MSH3: variants seen among roughly 807,000 people sequenced by gnomAD.
MSH3 encodes mutS homolog 3.
MSH3 carries 106 observed loss-of-function variants against 123.3 expected under a neutral mutation model. The ratio of observed to expected loss-of-function variants is 0.86; its 90% CI spans 0.73 to 1.01. The LOEUF (loss-of-function observed/expected upper bound fraction) is 1.01. MSH3 is among the 50% of genes least tolerant of loss of function. The pLI is 0.00. For missense variants in MSH3, 1,459 were observed against 1,347.6 expected, an observed-to-expected ratio of 1.08 and a Z score of -1.29; for synonymous variants, 515 against 481.4, an observed-to-expected ratio of 1.07 and a Z score of -0.91.
At chr5:80,755,541 G>A (rs1302926548) in intron 12 of MSH3, among the ~76,000 whole-genome samples, 1 of 152,100 alleles carries the variant, frequency 6.6e-6, no homozygotes, top group Non-Finnish European at 1.5e-5. Context: ...TGGTTTTAAT[G>A]TCATAAAATA....
chr5:80,840,865 T>C (rs1745609341), intron 20 of MSH3, among the ~76,000 whole-genome samples: 1 of 147,698 alleles, frequency 6.8e-6, no homozygotes, highest in South Asian at 2.2e-4. Context: ...TAGTATTCCA[T>C]GGTGTATGTG....
At chr5:80,689,413 A>G (rs892205137) in intron 8 of MSH3, among the ~76,000 whole-genome samples, 1 of 152,156 alleles carries the variant, frequency 6.6e-6, no homozygotes, top group Admixed American at 6.5e-5. Context: ...TGTTTGTTGT[A>G]AAAGTGAAAA....
intron 10 of MSH3, among the ~76,000 whole-genome samples, chr5:80,731,477 A>G (rs2112860232): frequency 6.6e-6 from 1 of 152,060 alleles, no homozygotes; most frequent in South Asian, 2.1e-4. Flanking sequence ...ATATATTCCC[A>G]GCATCCAGCA....
At chr5:80,842,746 A>G (rs953907372) in intron 20 of MSH3, among the ~76,000 whole-genome samples, 1 of 152,290 alleles carries the variant, frequency 6.6e-6, no homozygotes, top group South Asian at 2.1e-4. Context: ...ATTTTTGCAC[A>G]TTGATTTTGT....
At chr5:80,737,313 C>A (rs1379286563) in intron 10 of MSH3, among the ~76,000 whole-genome samples, 1 of 151,876 alleles carries the variant, frequency 6.6e-6, no homozygotes, top group African/African-American at 2.4e-5. Context: ...AAGTTCTGTA[C>A]CCTTGTTGCC....
chr5:80,771,587 G>A (rs915090595), intron 15 of MSH3, among the ~76,000 whole-genome samples: 1 of 152,058 alleles, frequency 6.6e-6, no homozygotes, highest in African/African-American at 2.4e-5. Flanking sequence ...AGGGAGGCAG[G>A]GTGGAAAACC....
intron 20 of MSH3, among the ~76,000 whole-genome samples, chr5:80,828,369 A>G (rs1408546433): frequency 1.3e-5 from 2 of 152,170 alleles, no homozygotes; most frequent in Non-Finnish European, 2.9e-5. Context: ...ATAAGGGCAG[A>G]GCCCTGATGA....
intron 20 of MSH3, 95 bp downstream of exon 20, chr5:80,813,836 C>A: frequency 7.6e-7 from 1 of 1,315,958 alleles, no homozygotes; most frequent in Non-Finnish European, 1.1e-6. Flanking sequence ...TTTAGATGCT[C>A]TTAAAGCACT....
intron 19 of MSH3, among the ~76,000 whole-genome samples, chr5:80,802,996 C>G (rs1744819108): frequency 6.6e-6 from 1 of 152,096 alleles, no homozygotes; most frequent in Admixed American, 6.5e-5. Flanking sequence ...TAGTTTGCTT[C>G]CAGATCTTGG....
At chr5:80,805,593 C>CTT (rs34689496) in intron 19 of MSH3, among the ~76,000 whole-genome samples, 16 of 104,490 alleles carry the variant, frequency 1.5e-4, no homozygotes, top group Non-Finnish European at 1.9e-4. Context: ...CCCCCCCTAC[C>CTT]TTTTTTTTTT....
intron 16 of MSH3, among the ~76,000 whole-genome samples, chr5:80,777,103 T>C (rs1159615397): frequency 1.3e-5 from 2 of 151,732 alleles, no homozygotes; most frequent in Non-Finnish European, 2.9e-5. Flanking sequence ...GGCTTTTTTT[T>C]GTATTTTAGT....
intron 12 of MSH3, among the ~76,000 whole-genome samples, chr5:80,748,748 T>C (rs145512451): frequency 0.013 from 1,895 of 151,002 alleles, 17 homozygotes; most frequent in Non-Finnish European, 0.022. Flanking sequence ...ATGTATGTCA[T>C]TGGTTTTGTC....
intron 18 of MSH3, among the ~76,000 whole-genome samples, chr5:80,791,030 A>G (rs1233293984): frequency 3.9e-5 from 6 of 152,332 alleles, no homozygotes; most frequent in Admixed American, 3.9e-4. Flanking sequence ...TAGTCATTCA[A>G]TAGGAAACAT....
chr5:80,752,798 G>T (rs1743860035), intron 12 of MSH3, among the ~76,000 whole-genome samples: 1 of 152,068 alleles, frequency 6.6e-6, no homozygotes, highest in South Asian at 2.1e-4. Flanking sequence ...TTATATATTG[G>T]AATATTATAC....
At chr5:80,682,625 G>T (rs1221842285) in intron 8 of MSH3, among the ~76,000 whole-genome samples, 2 of 151,972 alleles carry the variant, frequency 1.3e-5, no homozygotes, top group Admixed American at 6.6e-5. Flanking sequence ...TATATTTATG[G>T]GTTACATGAG....
chr5:80,827,432 C>A (rs1455158326), intron 20 of MSH3, among the ~76,000 whole-genome samples: 1 of 152,120 alleles, frequency 6.6e-6, no homozygotes. Context: ...TATTTGTTTG[C>A]CCAACTTAGT....
chr5:80,700,444 C>T (rs988849081), intron 8 of MSH3, among the ~76,000 whole-genome samples: 3 of 152,092 alleles, frequency 2.0e-5, no homozygotes, highest in Non-Finnish European at 4.4e-5. Context: ...AAATGTTTGC[C>T]ACTGGGAAAC....
intron 20 of MSH3, among the ~76,000 whole-genome samples, chr5:80,849,598 T>G (rs1745793923): frequency 6.6e-6 from 1 of 152,212 alleles, no homozygotes. Flanking sequence ...GCTTGGGGCT[T>G]GCATCCTCTG....
intron 20 of MSH3, among the ~76,000 whole-genome samples, chr5:80,818,928 A>G (rs1459200699): frequency 2.0e-5 from 3 of 152,188 alleles, no homozygotes; most frequent in Non-Finnish European, 2.9e-5. Context: ...TGAGAAAGAG[A>G]TAAGATCCCT....
Sources: allele counts gnomAD v4.1 joint callset (sites outside exome capture counted in the v4.1 genomes callset), GRCh38; gene constraint gnomAD v4.1.1; transcripts MANE v1.5; gene names NCBI Gene and HGNC (gene_info 2026-07-23, HGNC 2026-07-21).